The following CSMD1 variants were observed in gnomAD, a reference collection of about 807,000 sequenced individuals.
The protein encoded by CSMD1 is CUB and Sushi multiple domains 1.
Under a neutral mutation model 417.5 loss-of-function variants are expected in CSMD1, and 213 were observed. That is an observed-to-expected ratio of 0.51 (90% CI 0.46 to 0.57). The LOEUF (loss-of-function observed/expected upper bound fraction) is 0.57, where lower values mean the gene tolerates loss of function less well. CSMD1 is among the 20% of genes least tolerant of loss of function. CSMD1 has a pLI of 0.00. For missense variants in CSMD1, 6,923 were observed against 4,529.7 expected (o/e 1.53, Z -15.17); for synonymous variants, 2,862 against 1,736.8 (o/e 1.65, Z -16.11).
intron 68 of CSMD1, among the ~76,000 whole-genome samples, chr8:2,947,519 T>A (rs1026295648): frequency 6.6e-6 from 1 of 152,112 alleles, no homozygotes; most frequent in African/African-American, 2.4e-5. Flanking sequence ...AGAATAAAAA[T>A]CCCTTGTTAA....
At chr8:4,337,059 T>C (rs1227359665) in intron 3 of CSMD1, among the ~76,000 whole-genome samples, 1 of 152,150 alleles carries the variant, frequency 6.6e-6, no homozygotes, top group Non-Finnish European at 1.5e-5. Context: ...CATTGCATTC[T>C]GCATCTGTTT....
chr8:3,722,488 C>G (rs1351473297), intron 6 of CSMD1, among the ~76,000 whole-genome samples: 2 of 152,164 alleles, frequency 1.3e-5, no homozygotes, highest in African/African-American at 4.8e-5. Context: ...AAACCATTCT[C>G]TCCTGAAAAG....
At chr8:3,535,629 C>T (rs192280904) in intron 10 of CSMD1, among the ~76,000 whole-genome samples, 52 of 152,278 alleles carry the variant, frequency 3.4e-4, no homozygotes, top group African/African-American at 1.3e-3. Flanking sequence ...ATTCAAGTAA[C>T]AGATACCCTA....
At chr8:4,910,526 AACG>A (rs1164108901) in intron 1 of CSMD1, among the ~76,000 whole-genome samples, 1 of 152,188 alleles carries the variant, frequency 6.6e-6, no homozygotes, top group Non-Finnish European at 1.5e-5. Context: ...CCATGGTAAA[AACG>A]ACAAGGAATC....
intron 34 of CSMD1, among the ~76,000 whole-genome samples, chr8:3,189,497 T>C (rs1485632599): frequency 6.6e-6 from 1 of 152,164 alleles, no homozygotes; most frequent in East Asian, 1.9e-4. Flanking sequence ...GCAGGTAAAC[T>C]ATAACTAACA....
chr8:3,063,597 T>C (rs1812733867), intron 49 of CSMD1, among the ~76,000 whole-genome samples: 2 of 152,212 alleles, frequency 1.3e-5, no homozygotes. Flanking sequence ...TGCCAAGAGA[T>C]GAATGGCTAA....
intron 3 of CSMD1, among the ~76,000 whole-genome samples, chr8:4,206,108 G>A (rs944816068): frequency 5.9e-5 from 9 of 152,026 alleles, no homozygotes; most frequent in South Asian, 2.1e-4. Context: ...GATAAACAAC[G>A]CAGGGAAAAG....
At chr8:4,953,067 A>T in intron 1 of CSMD1, among the ~76,000 whole-genome samples, 1 of 152,128 alleles carries the variant, frequency 6.6e-6, no homozygotes, top group Non-Finnish European at 1.5e-5. Flanking sequence ...GTTAAGACAA[A>T]AAAACATTAT....
At chr8:3,929,559 A>C (rs1359583142) in intron 5 of CSMD1, among the ~76,000 whole-genome samples, 5 of 150,634 alleles carry the variant, frequency 3.3e-5, no homozygotes, top group African/African-American at 7.3e-5. Context: ...GTCTATTCTG[A>C]TGGAATGATT....
chr8:3,052,757 T>A, intron 49 of CSMD1, 110 bp from the exon 50 acceptor site: 2 of 786,388 alleles, frequency 2.5e-6, no homozygotes, highest in South Asian at 5.4e-5. Flanking sequence ...TCATTAAAAT[T>A]GTGAATTATA....
At chr8:4,212,776 T>TTTTTTTTTTTTTTTTTTC (rs1563282662) in intron 3 of CSMD1, among the ~76,000 whole-genome samples, 1 of 105,852 alleles carries the variant, frequency 9.4e-6, no homozygotes, top group African/African-American at 3.4e-5. Context: ...TTTTTTTTTT[T>TTTTTTTTTTTTTTTTTTC]ACAAGCTATT....
chr8:4,268,505 G>C (rs529844416), intron 3 of CSMD1, among the ~76,000 whole-genome samples: 1 of 152,238 alleles, frequency 6.6e-6, no homozygotes, highest in Non-Finnish European at 1.5e-5. Flanking sequence ...AGTATTTAGA[G>C]AAACAAGTAG....
intron 26 of CSMD1, among the ~76,000 whole-genome samples, chr8:3,276,559 C>T (rs34717425): frequency 0.28 from 41,820 of 151,978 alleles, 5,984 homozygotes; most frequent in African/African-American, 0.34. Context: ...TCCCATGATT[C>T]GATTACCTCC....
chr8:4,526,286 T>C (rs1796507989), intron 2 of CSMD1, among the ~76,000 whole-genome samples: 1 of 152,158 alleles, frequency 6.6e-6, no homozygotes, highest in Non-Finnish European at 1.5e-5. Flanking sequence ...ATTACCAAGC[T>C]CTACATAATA....
intron 1 of CSMD1, among the ~76,000 whole-genome samples, chr8:4,917,444 C>T (rs1209499666): frequency 1.8e-4 from 28 of 152,104 alleles, no homozygotes; most frequent in Admixed American, 1.6e-3. Context: ...ACCACCCTGG[C>T]TAACACGGTG....
chr8:4,002,694 G>A (rs1038183137), intron 4 of CSMD1, among the ~76,000 whole-genome samples: 13 of 152,258 alleles, frequency 8.5e-5, no homozygotes, highest in African/African-American at 2.4e-4. Flanking sequence ...CCTGCAGTGT[G>A]GAGTGCTACA....
intron 18 of CSMD1, among the ~76,000 whole-genome samples, chr8:3,380,628 C>T (rs930776909): frequency 6.6e-6 from 1 of 152,064 alleles, no homozygotes; most frequent in Non-Finnish European, 1.5e-5. Flanking sequence ...TGTCGGTAGA[C>T]TAACATAGGA....
intron 1 of CSMD1, among the ~76,000 whole-genome samples, chr8:4,948,540 GT>G (rs1167518594): frequency 6.6e-6 from 1 of 151,886 alleles, no homozygotes; most frequent in Non-Finnish European, 1.5e-5. Context: ...TACTGGTTTT[GT>G]AAATCTGCTA....
At chr8:4,889,990 T>C (rs947326668) in intron 1 of CSMD1, among the ~76,000 whole-genome samples, 1 of 152,148 alleles carries the variant, frequency 6.6e-6, no homozygotes, top group Non-Finnish European at 1.5e-5. Flanking sequence ...CAGAAATATA[T>C]GACTTCAGGT....
Sources: gnomAD v4.1 joint callset for allele counts (sites outside exome capture counted in the v4.1 genomes callset) on GRCh38, gnomAD v4.1.1 for gene constraint, MANE v1.5 for transcripts, NCBI Gene and HGNC (gene_info 2026-07-23, HGNC 2026-07-21) for gene names.